Variants in BLTP1 observed in about 807,000 individuals in gnomAD.
BLTP1 encodes the protein fragile site-associated protein.
At chr4:122,280,506 TG>T in the BLTP1 span, among the ~76,000 whole-genome samples, 1 of 151,942 alleles carries the variant, frequency 6.6e-6, no homozygotes. Context: ...CTCCAAAAAC[TG>T]TAACTAATAA....
At chr4:122,260,247 T>C in the BLTP1 span, among the ~76,000 whole-genome samples, 8,641 of 152,260 alleles carry the variant, frequency 0.057, 287 homozygotes, top group Non-Finnish European at 0.075. Flanking sequence ...AGTAAAAATA[T>C]GATATTATAA....
the BLTP1 span, among the ~76,000 whole-genome samples, chr4:122,241,527 T>C: frequency 2.0e-5 from 3 of 152,318 alleles, no homozygotes; most frequent in East Asian, 3.9e-4. Context: ...GTCTCAGTAG[T>C]CTGTGCAAGA....
chr4:122,254,158 G>A, the BLTP1 span: 2 of 1,601,206 alleles, frequency 1.2e-6, no homozygotes, highest in Admixed American at 3.4e-5. Context: ...TTAAGGGGCT[G>A]TATGTTAATA....
the BLTP1 span, chr4:122,200,781 C>G: frequency 1.1e-6 from 1 of 906,002 alleles, no homozygotes; most frequent in Non-Finnish European, 1.3e-6. Flanking sequence ...ATTTGTTGTT[C>G]TGAAAGTTTT....
chr4:122,186,617 G>T, the BLTP1 span, among the ~76,000 whole-genome samples: 1 of 151,878 alleles, frequency 6.6e-6, no homozygotes. Flanking sequence ...GTATTGTTCT[G>T]TAATTTGCTT....
the BLTP1 span, chr4:122,251,219 T>TAATAC: frequency 1.2e-6 from 1 of 811,282 alleles, no homozygotes; most frequent in Non-Finnish European, 1.5e-6. Context: ...CTGAAGCAGG[T>TAATAC]AATACATATG....
chr4:122,335,464 G>T, the BLTP1 span, among the ~76,000 whole-genome samples: 6 of 152,048 alleles, frequency 3.9e-5, no homozygotes, highest in African/African-American at 1.4e-4. Flanking sequence ...TATCAGACTA[G>T]ACAAGAATTA....
At chr4:122,190,220 C>T in the BLTP1 span, 10 of 1,144,262 alleles carry the variant, frequency 8.7e-6, no homozygotes, top group South Asian at 1.8e-5. Flanking sequence ...CTTCAGCCTC[C>T]TGAGTTGCTA....
chr4:122,171,011 C>A, the BLTP1 span, among the ~76,000 whole-genome samples: 1 of 152,118 alleles, frequency 6.6e-6, no homozygotes, highest in East Asian at 1.9e-4. Flanking sequence ...TTTCTGGTTT[C>A]AGGTCACCTC....
chr4:122,316,347 G>C, the BLTP1 span: 2 of 470,582 alleles, frequency 4.3e-6, no homozygotes, highest in Non-Finnish European at 8.8e-6. Flanking sequence ...TTATTACTTA[G>C]AGTTCAGATG....
chr4:122,311,996 C>T, the BLTP1 span, among the ~76,000 whole-genome samples: 1 of 152,100 alleles, frequency 6.6e-6, no homozygotes, highest in Non-Finnish European at 1.5e-5. Flanking sequence ...CATCGTGGCT[C>T]TATATTCTAT....
the BLTP1 span, chr4:122,189,302 G>T: frequency 5.1e-5 from 50 of 979,910 alleles, no homozygotes; most frequent in Non-Finnish European, 6.1e-5. Flanking sequence ...TATGCAAGAA[G>T]ATATTGTGAT....
the BLTP1 span, chr4:122,331,701 T>C: frequency 2.0e-6 from 2 of 978,014 alleles, no homozygotes; most frequent in Non-Finnish European, 2.4e-6. Context: ...TTATACAGTT[T>C]CTTATAAACA....
At chr4:122,211,041 A>G in the BLTP1 span, 1 of 1,608,682 alleles carries the variant, frequency 6.2e-7, no homozygotes, top group East Asian at 2.2e-5. Flanking sequence ...AACTTTCTCC[A>G]GATTCTCAGA....
chr4:122,215,840 C>A, the BLTP1 span, among the ~76,000 whole-genome samples: 5 of 151,172 alleles, frequency 3.3e-5, no homozygotes, highest in Non-Finnish European at 7.4e-5. Context: ...CCTCACCCCC[C>A]CCATCCTTCC....
chr4:122,237,725 C>A, the BLTP1 span: 1 of 409,246 alleles, frequency 2.4e-6, no homozygotes, highest in Non-Finnish European at 3.3e-6. Context: ...TTTTACACGC[C>A]TGTAATCCCA....
chr4:122,339,045 T>G, the BLTP1 span: 1 of 308,244 alleles, frequency 3.2e-6, no homozygotes, highest in African/African-American at 2.3e-5. Context: ...TTAACTTTCC[T>G]GTAGATGTTG....
chr4:122,290,695 G>C, the BLTP1 span, among the ~76,000 whole-genome samples: 1 of 147,856 alleles, frequency 6.8e-6, no homozygotes. Flanking sequence ...GCTGAGGCAG[G>C]AGAATGGCGT....
At chr4:122,342,513 G>A in the BLTP1 span, among the ~76,000 whole-genome samples, 22 of 152,010 alleles carry the variant, frequency 1.4e-4, no homozygotes, top group Non-Finnish European at 2.5e-4. Flanking sequence ...GTGCCACCAC[G>A]CCCGGCTAGT....
Sources: allele counts gnomAD v4.1 joint callset (sites outside exome capture counted in the v4.1 genomes callset), GRCh38; gene constraint gnomAD v4.1.1; transcripts MANE v1.5; gene names NCBI Gene and HGNC (gene_info 2026-07-23, HGNC 2026-07-21).